MPHOSPH10: variants seen among roughly 807,000 people sequenced by gnomAD.
MPHOSPH10 encodes the protein U3 small nucleolar ribonucleoprotein MPP10.
Under a neutral mutation model 77.3 loss-of-function variants are expected in MPHOSPH10, and 33 were observed. The observed-to-expected ratio is 0.43, with a 90% confidence interval of 0.32 to 0.57. The LOEUF is 0.57. Ranked by LOEUF, MPHOSPH10 falls within the 20% of genes least tolerant of loss-of-function variation. The probability of loss-of-function intolerance (pLI) is 0.07; values close to 1 mark genes in which losing one functional copy is unlikely to be tolerated. For synonymous variants in MPHOSPH10, 245 were observed against 268.0 expected, an observed-to-expected ratio of 0.91 and a Z score of 0.84; for missense variants, 708 against 780.1, an observed-to-expected ratio of 0.91 and a Z score of 1.10.
At chr2:71,138,938 G>A in intron 5 of MPHOSPH10, 1 of 575,248 alleles carries the variant, frequency 1.7e-6, no homozygotes, top group Non-Finnish European at 3.1e-6. Context: ...GAAGGCTGAG[G>A]CAGGAGAATT....
Position 71,141,363 on chromosome 2 carries a change from C to T in MPHOSPH10, c.1440C>T (p.Leu480=), listed in dbSNP as rs762751423. 5 of 1,533,864 alleles carry T rather than the reference C, an allele frequency of 3.3e-6. No individual in the cohort carries two copies. In the South Asian group the frequency reaches 5.2e-5, roughly 16 times the overall value. Residue 480 remains leucine (L), a synonymous_variant, in exon 7 of 11, where the codon CTC becomes CTT. Coordinates refer to ENST00000244230, the MANE Select transcript of MPHOSPH10 (RefSeq NM_005791.3). ...AEIYEQEYIK[L]NQQKTAEEEN... is the part of the protein sequence containing the mutation. ...TTTATGAACAGGAGTACATCAAACTCAACCAGGTGAGGAAGCCTGTAAGGC... is the reference window on the plus strand; with the variant it reads ...TTTATGAACAGGAGTACATCAAACTTAACCAGGTGAGGAAGCCTGTAAGGC...
rs777765007 is a variant in MPHOSPH10, at chr2:71,138,582, G to A, written c.1191G>A (p.Glu397=). ...QGEVTAQKRP[E]NSLLEETLHF... is the part of the protein sequence containing the mutation. ...AAGTGACAGCACAGAAGAGGCCAGA[G>A]AACAGCCTCCTGGAGGAGACCCTAC... The change falls in exon 5 of 11, where the codon GAG becomes GAA. Residue 397 remains glutamate, a synonymous_variant. Coordinates refer to ENST00000244230, the MANE Select transcript of MPHOSPH10 (RefSeq NM_005791.3). 6.2e-7 allele frequency: 1 copy of A among 1,614,184 alleles called. No individual in the cohort carries two copies. Among genetic ancestry groups the A allele is most frequent in the Non-Finnish European group, 8.5e-7 (1 of 1,180,022 alleles).
intron 4 of MPHOSPH10, among the ~76,000 whole-genome samples, chr2:71,136,780 A>G (rs896039998): frequency 1.3e-5 from 2 of 152,016 alleles, no homozygotes; most frequent in African/African-American, 4.8e-5. Flanking sequence ...CCTTCAAGTT[A>G]AGTTTCAATA....
At chr2:71,145,152 T>G (rs1167334815) in intron 8 of MPHOSPH10, among the ~76,000 whole-genome samples, 1 of 152,208 alleles carries the variant, frequency 6.6e-6, no homozygotes, top group African/African-American at 2.4e-5. Context: ...CACCCAGACT[T>G]GGCTCTACCT....
At chr2:71,138,246 C>T (rs1467480334) in intron 4 of MPHOSPH10, among the ~76,000 whole-genome samples, 1 of 152,158 alleles carries the variant, frequency 6.6e-6, no homozygotes, top group African/African-American at 2.4e-5. Context: ...TCAAAAGCTT[C>T]TGGGGGCGTT....
At chr2:71,137,897 AATCCCAGCACTTGGTG>A in intron 4 of MPHOSPH10, among the ~76,000 whole-genome samples, 1 of 152,134 alleles carries the variant, frequency 6.6e-6, no homozygotes, top group African/African-American at 2.4e-5. Context: ...TCACGCCTGT[AATCCCAGCACTTGGTG>A]AAACCCCGTC....
At chr2:71,148,179 A>C (rs1439463554) in intron 9 of MPHOSPH10, 73 bp downstream of exon 9, 1 of 1,314,034 alleles carries the variant, frequency 7.6e-7, no homozygotes, top group African/African-American at 1.5e-5. Flanking sequence ...CATTTATTTG[A>C]CGTCATTTGC....
At chr2:71,144,597 C>A in intron 8 of MPHOSPH10, 59 bp downstream of exon 8, 1 of 1,241,406 alleles carries the variant, frequency 8.1e-7, no homozygotes, top group South Asian at 1.3e-5. Context: ...TAGCTTTGAT[C>A]CTTTGTGAGA....
intron 9 of MPHOSPH10, 119 bp downstream of exon 9, chr2:71,148,225 C>A: frequency 1.2e-6 from 1 of 829,292 alleles, no homozygotes; most frequent in Non-Finnish European, 2.0e-6. Flanking sequence ...TGTATCTCAG[C>A]AGTTTCTAAG....
Position 71,133,306 on chromosome 2 carries a change from C to T in MPHOSPH10, c.498C>T (p.Phe166=), listed in dbSNP as rs185887303. The T allele has an allele frequency of 6.2e-7, 1 of 1,614,082 alleles. No homozygotes were observed. Among genetic ancestry groups the T allele is most frequent in the Admixed American group, 1.7e-5 (1 of 60,012 alleles). The change falls in exon 2 of 11, where the codon TTC becomes TTT. Residue 166 remains phenylalanine, a synonymous_variant. Coordinates refer to ENST00000244230, the MANE Select transcript of MPHOSPH10 (RefSeq NM_005791.3). The stretch of plus-strand genomic sequence containing the variant: ...CTGATCTGAGGAAAAGCCCCGTTTT[C>T]AGTGATGAGGATTCTGACCTTGACT... ...SKSDLRKSPV[F]SDEDSDLDFD... is the part of the protein sequence containing the mutation.
chr2:71,135,585 C>G (rs1319144149), intron 4 of MPHOSPH10, among the ~76,000 whole-genome samples: 2 of 151,898 alleles, frequency 1.3e-5, no homozygotes, highest in Non-Finnish European at 2.9e-5. Flanking sequence ...GTTTTTTTCT[C>G]TGTCCCTAAT....
chr2:71,132,227 G>T (rs1447371999), intron 1 of MPHOSPH10, among the ~76,000 whole-genome samples: 1 of 151,848 alleles, frequency 6.6e-6, no homozygotes, highest in Non-Finnish European at 1.5e-5. Context: ...CTCCTCCCTC[G>T]TCCCTTTCTC....
intron 9 of MPHOSPH10, 104 bp downstream of exon 9, chr2:71,148,210 T>G: frequency 1.1e-6 from 1 of 924,994 alleles, no homozygotes. Flanking sequence ...TAGTTCTTAT[T>G]CCAATGTATC....
intron 8 of MPHOSPH10, among the ~76,000 whole-genome samples, chr2:71,144,789 G>A (rs1406788325): frequency 6.6e-6 from 1 of 152,194 alleles, no homozygotes; most frequent in Non-Finnish European, 1.5e-5. Context: ...GCCTCTTACT[G>A]TTTTAACTTA....
In MPHOSPH10 at chr2:71,133,283, G is replaced by A. The variant is rs1673422455; in HGVS notation, c.475G>A (p.Asp159Asn). 1.2e-6 allele frequency: 2 copies of A among 1,613,988 alleles called. No homozygotes were observed. The highest frequency in any genetic ancestry group is 8.5e-7 in the Non-Finnish European group (1 of 1,180,028). The stretch of plus-strand genomic sequence containing the variant: ...GAGAGCTGAAAACTCAAGCAAATCT[G>A]ATCTGAGGAAAAGCCCCGTTTTCAG... ...GERAENSSKS[D>N]LRKSPVFSDE... The change falls in exon 2 of 11, where the codon GAT becomes AAT. Residue 159 changes from aspartate (D) to asparagine (N), a missense_variant. By Grantham distance (23) the Asp-to-Asn change is conservative (BLOSUM62 1). This residue lies in a region of MPHOSPH10 where 433 missense variants were observed against 432.6 expected (regional missense o/e 1.00). Transcript: ENST00000244230.
Position 71,130,742 on chromosome 2 carries a change from A to G in MPHOSPH10, c.77A>G (p.Glu26Gly), listed in dbSNP as rs771294196. 7 of 1,608,868 alleles carry G rather than the reference A, an allele frequency of 4.4e-6. No individual in the cohort carries two copies. In the Admixed American group the frequency reaches 1.2e-4, roughly 27 times the overall value. ...GTCGGCAAAGCCACGGGTCGGCCCG[A>G]GTGCTTCCTCACGTAAGTGCGCAGA... ...TEVGKATGRP[E>G]CFLTIQEGLA... The change falls in exon 1 of 11, where the codon GAG (glutamate) becomes GGG (glycine). Residue 26 changes from glutamate to glycine, a missense_variant. Physicochemically the swap from Glu to Gly is moderately conservative, Grantham distance 98 (BLOSUM62 -2). Transcript: ENST00000244230.
At chr2:71,132,558 C>A (rs1421555196) in intron 1 of MPHOSPH10, among the ~76,000 whole-genome samples, 4 of 152,158 alleles carry the variant, frequency 2.6e-5, no homozygotes, top group African/African-American at 4.8e-5. Flanking sequence ...GTAGCCAAAG[C>A]AAATGTTGAT....
chr2:71,134,201 C>A, intron 3 of MPHOSPH10, 96 bp downstream of exon 3: 2 of 1,227,424 alleles, frequency 1.6e-6, no homozygotes, highest in Non-Finnish European at 2.2e-6. Context: ...TTAGCAAGTT[C>A]TATTCTCTAA....
chr2:71,137,656 CAAAA>C (rs60072810), intron 4 of MPHOSPH10, among the ~76,000 whole-genome samples: 2 of 46,356 alleles, frequency 4.3e-5, no homozygotes, highest in Admixed American at 2.1e-4. Context: ...GAGACTGTCT[CAAAA>C]AAAAAAAAAA....
Sources: gnomAD v4.1 joint callset for allele counts (sites outside exome capture counted in the v4.1 genomes callset) on GRCh38, gnomAD v4.1.1 for gene constraint, gnomAD v4.1.1 regional missense constraint, MANE v1.5 for transcripts, NCBI Gene and HGNC (gene_info 2026-07-23, HGNC 2026-07-21) for gene names.